The following INPP5A variants were observed in gnomAD, a reference collection of about 807,000 sequenced individuals.
INPP5A encodes the protein inositol polyphosphate-5-phosphatase A, also known as 43 kDa inositol polyphosphate 5-phophatase.
Under a neutral mutation model 65.2 loss-of-function variants are expected in INPP5A, and 14 were observed. The observed-to-expected ratio is 0.21, with a 90% confidence interval of 0.14 to 0.34. The LOEUF (loss-of-function observed/expected upper bound fraction) is 0.34, where lower values mean the gene tolerates loss of function less well. Among genes scored for constraint, INPP5A ranks in the 10% least tolerant of loss-of-function variants. The pLI is 1.00. For synonymous variants in INPP5A, 207 were observed against 208.3 expected, an observed-to-expected ratio of 0.99 and a Z score of 0.05; for missense variants, 431 against 545.6, an observed-to-expected ratio of 0.79 and a Z score of 2.09.
chr10:132,742,553 G>C (rs1343806158), intron 9 of INPP5A, among the ~76,000 whole-genome samples: 1 of 152,222 alleles, frequency 6.6e-6, no homozygotes, highest in Admixed American at 6.5e-5. Context: ...GCCCAGTCAG[G>C]CTGTGTCCAG....
intron 11 of INPP5A, among the ~76,000 whole-genome samples, chr10:132,759,342 G>A (rs905422033): frequency 6.6e-6 from 1 of 151,340 alleles, no homozygotes; most frequent in Non-Finnish European, 1.5e-5. Context: ...AGGAGGGTCG[G>A]GGATCTTATC....
chr10:132,542,488 G>A (rs2070919301), intron 1 of INPP5A, among the ~76,000 whole-genome samples: 1 of 152,158 alleles, frequency 6.6e-6, no homozygotes. Flanking sequence ...AACACCAAAG[G>A]TACTGCCCTC....
In INPP5A at chr10:132,678,966, G is replaced by T. The variant is rs189879499; in HGVS notation, c.307-11426G>T. Among the ~76,000 whole-genome samples, 1 of 152,356 alleles carries T rather than the reference G, an allele frequency of 6.6e-6. No individual in the cohort carries two copies. The highest frequency in any genetic ancestry group is 1.9e-4 in the East Asian group (1 of 5,176). The stretch of plus-strand genomic sequence containing the variant: ...CAGGCCCAGATGGCCAATGGGGCTG[G>T]AGCTCTGTCAGCTGGGTGTGTGAGG... On this transcript the variant is annotated intron_variant, in intron 4 of 15. Transcript: ENST00000368594. The surrounding 1 kb of genome is among the most constrained non-coding windows in gnomAD (Gnocchi z 4.1).
rs1420878751 is a variant in INPP5A at position 132,546,549 on chromosome 10, C to A, written c.75+8378C>A. Among the ~76,000 whole-genome samples, 2 of 152,138 alleles carry A rather than the reference C, an allele frequency of 1.3e-5. No individual in the cohort carries two copies. Among genetic ancestry groups the A allele is most frequent in the Non-Finnish European group, 2.9e-5 (2 of 68,016 alleles). ...GTGTCGGGGGGCCGTGCTCCCCCTT[C>A]TCTCTTGGAAGGTGTAAGGGCTTAG... On this transcript the variant is annotated intron_variant, in intron 1 of 15. Transcript: ENST00000368594. The surrounding 1 kb of genome is among the most constrained non-coding windows in gnomAD (Gnocchi z 5.7).
intron 2 of INPP5A, among the ~76,000 whole-genome samples, chr10:132,619,066 T>G (rs1270653062): frequency 6.6e-6 from 1 of 152,176 alleles, no homozygotes; most frequent in East Asian, 1.9e-4. Context: ...CAATCATCCC[T>G]TCTCAATAGT....
chr10:132,645,212 T>C (rs1353683469), intron 2 of INPP5A, among the ~76,000 whole-genome samples: 2 of 128,054 alleles, frequency 1.6e-5, no homozygotes, highest in Non-Finnish European at 3.4e-5. Context: ...GGAGCCTTGA[T>C]GGGGCGGGCG....
intron 11 of INPP5A, among the ~76,000 whole-genome samples, chr10:132,752,124 G>A (rs991629752): frequency 7.2e-5 from 11 of 151,870 alleles, no homozygotes; most frequent in Admixed American, 1.3e-4. Flanking sequence ...CCCAGGAGGC[G>A]TCTGGGTGGA....
chr10:132,700,314 C>T (rs1845416647), intron 6 of INPP5A, among the ~76,000 whole-genome samples: 1 of 152,224 alleles, frequency 6.6e-6, no homozygotes, highest in Non-Finnish European at 1.5e-5. Flanking sequence ...ATCCTTGTGG[C>T]TGCTGGTGGC....
At chr10:132,759,459 G>T (rs1054032963) in intron 11 of INPP5A, among the ~76,000 whole-genome samples, 3 of 152,230 alleles carry the variant, frequency 2.0e-5, no homozygotes, top group African/African-American at 7.2e-5. Flanking sequence ...AAACACCTCA[G>T]CCTGGGATTT....
At chr10:132,641,639 T>C (rs2072428647) in intron 2 of INPP5A, among the ~76,000 whole-genome samples, 1 of 152,250 alleles carries the variant, frequency 6.6e-6, no homozygotes, top group Non-Finnish European at 1.5e-5. Context: ...GGCCCCGTGT[T>C]GTAAACTGTG....
In INPP5A at chr10:132,555,177, G is replaced by C. The variant is rs540742762; in HGVS notation, c.75+17006G>C. Among the ~76,000 whole-genome samples, 6 of 152,036 alleles carry C rather than the reference G, an allele frequency of 3.9e-5. No individual in the cohort carries two copies. The highest frequency in any genetic ancestry group is 1.4e-4 in the African/African-American group (6 of 41,466). ...CATAGATGGCATGGTGGGGTGGGGGGGTGTGGATGGCAAGCGGCAGGACCA... is the reference window on the plus strand; with the variant it reads ...CATAGATGGCATGGTGGGGTGGGGGCGTGTGGATGGCAAGCGGCAGGACCA... On this transcript the variant is annotated intron_variant, in intron 1 of 15. Transcript: ENST00000368594. The surrounding 1 kb of genome is among the most constrained non-coding windows in gnomAD (Gnocchi z 4.4).
rs2071562751 is a variant in INPP5A at position 132,587,715 on chromosome 10, A to G, written c.76-20200A>G. Among the ~76,000 whole-genome samples the G allele has an allele frequency of 6.6e-6, 1 of 152,178 alleles. No individual in the cohort carries two copies. Among genetic ancestry groups the G allele is most frequent in the Non-Finnish European group, 1.5e-5 (1 of 68,034 alleles). On this transcript the variant is annotated intron_variant, in intron 1 of 15. Transcript: ENST00000368594. This position sits in a 1 kb window ranked among gnomAD's most constrained non-coding sequence, Gnocchi z 4.3. The stretch of plus-strand genomic sequence containing the variant: ...CAAAGTTATACTTGTGTTGTTTCTT[A>G]GAATTTGGCCGGGCATGGTGGCTCA...
At position 132,644,853 on chromosome 10, in the gene INPP5A, A is replaced by G. The variant is rs2072472831; in HGVS notation, c.118-1015A>G. On this transcript the variant is annotated intron_variant, in intron 2 of 15. Coordinates refer to ENST00000368594, the MANE Select transcript of INPP5A (RefSeq NM_005539.5). The surrounding 1 kb of genome is among the most constrained non-coding windows in gnomAD (Gnocchi z 6.5). ...CGACTGCCTCACATGTGTCCCACCC[A>G]GGGTTTCCTGCCAGGTGAGATGGTT... Among the ~76,000 whole-genome samples, 1 of 152,186 alleles carries G rather than the reference A, an allele frequency of 6.6e-6. No homozygotes were observed. The highest frequency in any genetic ancestry group is 6.5e-5 in the Admixed American group (1 of 15,286).
At chr10:132,708,055 G>C (rs1845566389) in intron 6 of INPP5A, among the ~76,000 whole-genome samples, 1 of 152,200 alleles carries the variant, frequency 6.6e-6, no homozygotes, top group Non-Finnish European at 1.5e-5. Flanking sequence ...CAGGCGGCAG[G>C]CTGGCACGTT....
At chr10:132,590,096 T>A (rs1347097830) in intron 1 of INPP5A, among the ~76,000 whole-genome samples, 1 of 152,032 alleles carries the variant, frequency 6.6e-6, no homozygotes, top group Admixed American at 6.6e-5. Flanking sequence ...TGGCTGAGAG[T>A]TATGGCACCT....
At chr10:132,654,943 A>G (rs1433583452) in intron 4 of INPP5A, among the ~76,000 whole-genome samples, 1 of 152,244 alleles carries the variant, frequency 6.6e-6, no homozygotes, top group Non-Finnish European at 1.5e-5. Context: ...GGAGATGATC[A>G]GAAGGCAACT....
At chr10:132,768,135 T>C (rs1846884930) in intron 12 of INPP5A, among the ~76,000 whole-genome samples, 1 of 142,230 alleles carries the variant, frequency 7.0e-6, no homozygotes, top group Non-Finnish European at 1.5e-5. Flanking sequence ...ACGTGCCCAT[T>C]GGCATTCCAG....
chr10:132,662,742 C>T lies in INPP5A; in HGVS notation c.306+12237C>T, dbSNP rs966165568. Among the ~76,000 whole-genome samples, 10 of 152,202 alleles carry T rather than the reference C, an allele frequency of 6.6e-5. No individual in the cohort carries two copies. The Middle Eastern group carries it at 0.02, about 311-fold the overall frequency. On this transcript the variant is annotated intron_variant, in intron 4 of 15. Transcript: ENST00000368594. ...CCTTCCACACTGCCCACCCCACCCG[C>T]ACTCCAGCCTGGCCGCTCTCTGCTC...
intron 8 of INPP5A, among the ~76,000 whole-genome samples, chr10:132,726,498 G>A (rs971484017): frequency 3.3e-5 from 5 of 152,188 alleles, no homozygotes; most frequent in African/African-American, 4.8e-5. Flanking sequence ...GGCAGCCGTG[G>A]TTTTCCATGC....
Sources: gnomAD v4.1 joint callset for allele counts (sites outside exome capture counted in the v4.1 genomes callset) on GRCh38, gnomAD v4.1.1 for gene constraint, Gnocchi (gnomAD v3.1) non-coding constraint, MANE v1.5 for transcripts, NCBI Gene and HGNC (gene_info 2026-07-23, HGNC 2026-07-21) for gene names.